The following TMTC2 variants were observed in gnomAD, a reference collection of about 807,000 sequenced individuals.
TMTC2 encodes transmembrane O-mannosyltransferase targeting cadherins 2.
In TMTC2, 43 loss-of-function variants were observed where a neutral mutation model predicts 82.4. The observed-to-expected ratio is 0.52, with a 90% CI of 0.41 to 0.67. TMTC2 has a LOEUF of 0.67. TMTC2 is among the 30% of genes least tolerant of loss of function. The pLI is 0.00. For missense variants in TMTC2, 919 were observed against 1,012.4 expected, an observed-to-expected ratio of 0.91 and a Z score of 1.25; for synonymous variants, 408 against 381.9, an observed-to-expected ratio of 1.07 and a Z score of -0.80.
intron 4 of TMTC2, among the ~76,000 whole-genome samples, chr12:82,957,147 C>T (rs1877659799): frequency 6.6e-6 from 1 of 152,040 alleles, no homozygotes; most frequent in Non-Finnish European, 1.5e-5. Context: ...GCAAATCTCA[C>T]TAAATTAAAA....
intron 1 of TMTC2, among the ~76,000 whole-genome samples, chr12:82,703,709 G>A (rs1334515072): frequency 4.0e-5 from 6 of 151,860 alleles, no homozygotes; most frequent in South Asian, 2.1e-4. Context: ...CCATGGTCTC[G>A]ATCTCCTGAC....
chr12:82,782,334 A>T (rs569913228), intron 1 of TMTC2, among the ~76,000 whole-genome samples: 86 of 152,250 alleles, frequency 5.6e-4, no homozygotes, highest in African/African-American at 2.0e-3. Context: ...AACAAAACGA[A>T]AAAATTCAGT....
chr12:83,081,032 G>C (rs576397475), intron 11 of TMTC2, among the ~76,000 whole-genome samples: 4 of 152,312 alleles, frequency 2.6e-5, no homozygotes, highest in African/African-American at 9.6e-5. Flanking sequence ...TATCCTCTCA[G>C]AGACAGTAAA....
chr12:82,831,251 A>T (rs1869730033), intron 1 of TMTC2, among the ~76,000 whole-genome samples: 1 of 152,214 alleles, frequency 6.6e-6, no homozygotes, highest in Non-Finnish European at 1.5e-5. Flanking sequence ...TGACCACCTA[A>T]CCATGATACC....
At chr12:82,850,285 A>C (rs1870900594) in intron 1 of TMTC2, among the ~76,000 whole-genome samples, 1 of 152,164 alleles carries the variant, frequency 6.6e-6, no homozygotes, top group Admixed American at 6.5e-5. Context: ...TCTGTAAACC[A>C]TAGGTATGGA....
At chr12:82,744,067 G>GTT (rs1255385831) in intron 1 of TMTC2, among the ~76,000 whole-genome samples, 1 of 152,016 alleles carries the variant, frequency 6.6e-6, no homozygotes, top group Non-Finnish European at 1.5e-5. Context: ...GAAGCCAGGA[G>GTT]TTTAAGACTG....
intron 2 of TMTC2, among the ~76,000 whole-genome samples, chr12:82,866,619 A>T (rs1351909655): frequency 2.0e-5 from 3 of 152,134 alleles, no homozygotes; most frequent in African/African-American, 7.2e-5. Context: ...TGCCTGGGGG[A>T]ATCAAATTGA....
chr12:82,734,174 C>T (rs1175127990), intron 1 of TMTC2, among the ~76,000 whole-genome samples: 1 of 152,104 alleles, frequency 6.6e-6, no homozygotes, highest in Admixed American at 6.6e-5. Context: ...TGAGGTTATA[C>T]GTAGGTTGAT....
intron 11 of TMTC2, among the ~76,000 whole-genome samples, chr12:83,131,943 A>G (rs189143989): frequency 2.6e-5 from 4 of 152,240 alleles, no homozygotes; most frequent in African/African-American, 7.2e-5. Flanking sequence ...TTAGATCTTC[A>G]TATGTTACCT....
intron 8 of TMTC2, among the ~76,000 whole-genome samples, chr12:83,008,101 A>G (rs930946973): frequency 1.3e-5 from 2 of 152,172 alleles, no homozygotes; most frequent in African/African-American, 4.8e-5. Context: ...GAGCAAAAGT[A>G]ATTGCAGATT....
intron 1 of TMTC2, among the ~76,000 whole-genome samples, chr12:82,731,220 G>A (rs1351919581): frequency 6.6e-6 from 1 of 152,238 alleles, no homozygotes; most frequent in Non-Finnish European, 1.5e-5. Context: ...TAAATTTGCT[G>A]TGTAATGTGT....
intron 1 of TMTC2, chr12:82,759,979 A>T (rs1409965993): frequency 6.6e-6 from 1 of 152,196 alleles, no homozygotes; most frequent in Non-Finnish European, 1.5e-5. Flanking sequence ...TTACAGAAGT[A>T]CCGTGTATCT....
intron 1 of TMTC2, among the ~76,000 whole-genome samples, chr12:82,844,396 C>G (rs371441569): frequency 5.3e-5 from 8 of 152,134 alleles, no homozygotes; most frequent in South Asian, 2.1e-4. Context: ...ATAATCAAAT[C>G]CCTAGGCACA....
At chr12:83,050,122 A>G (rs1185143925) in intron 9 of TMTC2, among the ~76,000 whole-genome samples, 2 of 152,154 alleles carry the variant, frequency 1.3e-5, no homozygotes, top group South Asian at 2.1e-4. Context: ...TGGAAACTAT[A>G]TGGATGGCTT....
chr12:83,079,688 A>AT (rs897771437), intron 11 of TMTC2, among the ~76,000 whole-genome samples: 2 of 152,184 alleles, frequency 1.3e-5, no homozygotes, highest in Non-Finnish European at 2.9e-5. Flanking sequence ...ACCAGAAGTT[A>AT]TAGAAACTAT....
intron 1 of TMTC2, among the ~76,000 whole-genome samples, chr12:82,752,446 A>G (rs1009099815): frequency 6.6e-6 from 1 of 152,126 alleles, no homozygotes; most frequent in Non-Finnish European, 1.5e-5. Context: ...AGATCATGCC[A>G]TTGCACTCCA....
intron 2 of TMTC2, among the ~76,000 whole-genome samples, chr12:82,870,795 G>A (rs2137136008): frequency 1.3e-5 from 2 of 152,326 alleles, no homozygotes; most frequent in East Asian, 3.9e-4. Context: ...CCAAAACTGA[G>A]CATATTTCAG....
chr12:82,817,209 T>C (rs1422425111), intron 1 of TMTC2, among the ~76,000 whole-genome samples: 1 of 152,026 alleles, frequency 6.6e-6, no homozygotes, highest in African/African-American at 2.4e-5. Flanking sequence ...CCTCAGTTGA[T>C]CCACCTACCT....
chr12:82,962,812 CTG>C (rs1404158307), intron 4 of TMTC2, among the ~76,000 whole-genome samples: 1 of 151,964 alleles, frequency 6.6e-6, no homozygotes, highest in Non-Finnish European at 1.5e-5. Context: ...TCCACAGAGA[CTG>C]TATTTATTCC....
Sources: allele counts gnomAD v4.1 joint callset (sites outside exome capture counted in the v4.1 genomes callset), GRCh38; gene constraint gnomAD v4.1.1; transcripts MANE v1.5; gene names NCBI Gene and HGNC (gene_info 2026-07-23, HGNC 2026-07-21).